GLYATL3: variants seen among roughly 807,000 people sequenced by gnomAD.
GLYATL3 encodes the protein glycine N-acyltransferase-like protein 3.
Under a neutral mutation model 28.5 loss-of-function variants are expected in GLYATL3, and 31 were observed. That is an observed-to-expected ratio of 1.09 (90% CI 0.82 to 1.47). The LOEUF is 1.47. GLYATL3 is among the 40% of genes most tolerant of loss of function. The pLI, the probability that GLYATL3 is intolerant of heterozygous loss-of-function variation, is 0.00. For missense variants in GLYATL3, 369 were observed against 351.5 expected (o/e 1.05, Z -0.40); for synonymous variants, 141 against 140.2 (o/e 1.01, Z -0.04).
chr6:49,506,982 A>T (rs955113877), intron 1 of GLYATL3, among the ~76,000 whole-genome samples: 6 of 152,154 alleles, frequency 3.9e-5, no homozygotes, highest in Admixed American at 3.9e-4. Context: ...AATGAGAAAC[A>T]TGCCATTCAG....
chr6:49,511,213 T>C (rs745425120), intron 1 of GLYATL3, among the ~76,000 whole-genome samples: 6 of 152,206 alleles, frequency 3.9e-5, no homozygotes, highest in Non-Finnish European at 5.9e-5. Flanking sequence ...GAAAAAGTTT[T>C]CTTGGGAACA....
chr6:49,509,219 A>G (rs935857398), intron 1 of GLYATL3, among the ~76,000 whole-genome samples: 15 of 152,310 alleles, frequency 9.8e-5, no homozygotes, highest in South Asian at 2.1e-4. Flanking sequence ...GTTATTTTCA[A>G]TAAAATACCA....
At chr6:49,511,409 T>C (rs543884353) in intron 1 of GLYATL3, among the ~76,000 whole-genome samples, 5 of 152,194 alleles carry the variant, frequency 3.3e-5, no homozygotes, top group Non-Finnish European at 7.3e-5. Context: ...TTTTTCCTCA[T>C]AACGACCCGA....
intron 3 of GLYATL3, among the ~76,000 whole-genome samples, chr6:49,515,989 C>A (rs1440544351): frequency 7.2e-6 from 1 of 139,350 alleles, no homozygotes; most frequent in African/African-American, 2.6e-5. Context: ...GACTAGAGTG[C>A]AGTGGCATGA....
At chr6:49,521,846 T>G (rs1000814490) in intron 5 of GLYATL3, 75 bp downstream of exon 5, 1,028 of 1,288,658 alleles carry the variant, frequency 8.0e-4, no homozygotes, top group Non-Finnish European at 1.0e-3. Flanking sequence ...ACTGGGGTAC[T>G]TAGTATCACT....
intron 1 of GLYATL3, among the ~76,000 whole-genome samples, chr6:49,500,539 T>G (rs1321779230): frequency 6.6e-6 from 1 of 152,234 alleles, no homozygotes; most frequent in Non-Finnish European, 1.5e-5. Context: ...TTCATTGTTA[T>G]GATAAATATT....
At chr6:49,520,685 T>G (rs1192991601) in intron 4 of GLYATL3, among the ~76,000 whole-genome samples, 2 of 151,866 alleles carry the variant, frequency 1.3e-5, no homozygotes, top group Non-Finnish European at 2.9e-5. Flanking sequence ...TTTGGAAAGG[T>G]GGAGAAAGGA....
chr6:49,525,397 C>T lies in GLYATL3; in HGVS notation c.441-1091C>T, dbSNP rs891210359. 2.0e-5 allele frequency among the ~76,000 whole-genome samples: 3 copies of T among 151,440 alleles called. No homozygotes were observed. In the South Asian group the frequency reaches 6.2e-4, roughly 32 times the overall value. On this transcript the variant is annotated intron_variant, in intron 5 of 5. Transcript: ENST00000371197. ...CCTAGCCAAAATGGTGAAACCTTGT[C>T]TCTACTAAAAATACAAAAATTAGCC... is the stretch of plus-strand genomic sequence containing the variant.
chr6:49,507,981 G>C (rs1259379105), intron 1 of GLYATL3, among the ~76,000 whole-genome samples: 1 of 152,156 alleles, frequency 6.6e-6, no homozygotes, highest in African/African-American at 2.4e-5. Flanking sequence ...CAGAAGTACA[G>C]TATACAGAGA....
chr6:49,515,879 CATTT>C lies in GLYATL3; in HGVS notation c.186+120_186+123del, dbSNP rs1769207055. Reference sequence around the variant, plus strand: ...TAGCTTACAACACTGTTTCACCATTCATTTCTTTTCTTTCTTTCTTTCCCTTCTT... The same window carrying C: ...TAGCTTACAACACTGTTTCACCATTCCTTTTCTTTCTTTCTTTCCCTTCTT... On this transcript the variant is annotated intron_variant, in intron 3 of 5. Transcript: ENST00000371197. 5.3e-5 allele frequency: 34 copies of C among 641,696 alleles called. No homozygotes were observed. In the South Asian group the frequency reaches 5.7e-4, roughly 11 times the overall value. The allele number at this position is 641,696 out of a possible 1,614,324, so 39.8% of individuals were successfully genotyped here. A position where few individuals can be genotyped will look rare whatever the true frequency, so the allele number is the denominator to read the frequency against.
chr6:49,501,245 TATAAAAAA>T lies in GLYATL3; in HGVS notation c.-29+1205_-29+1212del, dbSNP rs1768907605. 2.1e-5 allele frequency among the ~76,000 whole-genome samples: 3 copies of T among 140,944 alleles called. No homozygotes were observed. The South Asian group carries it at 6.8e-4, about 32-fold the overall frequency. The allele number at this position is 140,944 out of a possible 152,430, so 92.5% of individuals were successfully genotyped here. A position where few individuals can be genotyped will look rare whatever the true frequency, so the allele number is the denominator to read the frequency against. ...TGAAACCCCCCATCTCTACTAAAAA[TATAAAAAA>T]AACTAGCCAGGCGTTGGTGGTGTGT... On this transcript the variant is annotated intron_variant, in intron 1 of 5. Transcript: ENST00000371197.
chr6:49,510,174 C>G (rs1769096115), intron 1 of GLYATL3, among the ~76,000 whole-genome samples: 1 of 151,986 alleles, frequency 6.6e-6, no homozygotes, highest in South Asian at 2.1e-4. Flanking sequence ...TCCCTAGTAG[C>G]TGGGATTACA....
At chr6:49,505,536 A>T (rs545829651) in intron 1 of GLYATL3, among the ~76,000 whole-genome samples, 24 of 152,230 alleles carry the variant, frequency 1.6e-4, no homozygotes, top group Non-Finnish European at 3.1e-4. Flanking sequence ...ATGATGAATG[A>T]GTAAGTTCTG....
chr6:49,518,058 T>C (rs1372826916), intron 4 of GLYATL3, among the ~76,000 whole-genome samples: 1 of 152,212 alleles, frequency 6.6e-6, no homozygotes, highest in Non-Finnish European at 1.5e-5. Context: ...GGTCTTGCTC[T>C]GCAACCTAGG....
chr6:49,504,804 C>T (rs1402645257), intron 1 of GLYATL3, among the ~76,000 whole-genome samples: 5 of 152,056 alleles, frequency 3.3e-5, no homozygotes, highest in Admixed American at 1.3e-4. Flanking sequence ...TTCCCATAAC[C>T]GCAAAACATG....
At chr6:49,519,170 G>A (rs1769271165) in intron 4 of GLYATL3, among the ~76,000 whole-genome samples, 1 of 152,072 alleles carries the variant, frequency 6.6e-6, no homozygotes, top group Admixed American at 6.5e-5. Context: ...ATAATTGGAT[G>A]GATCTTGGTG....
At position 49,525,109 on chromosome 6, in the gene GLYATL3, T is replaced by TTA. The variant is rs1554165738; in HGVS notation, c.441-1379_441-1378insTA. 1.8e-3 allele frequency among the ~76,000 whole-genome samples: 265 copies of TTA among 151,224 alleles called. 3 individuals are homozygous for TTA. The highest frequency in any genetic ancestry group is 5.9e-3 in the African/African-American group (244 of 41,188). On this transcript the variant is annotated intron_variant, in intron 5 of 5. Coordinates refer to ENST00000371197, the MANE Select transcript of GLYATL3 (RefSeq NM_001010904.2). Reference sequence around the variant, plus strand: ...TTCTAAAACATTTTTTTTTTTTTTTTATTGAGCAAAAGATTAGGGCTTCAA... The same window carrying TTA: ...TTCTAAAACATTTTTTTTTTTTTTTTTAATTGAGCAAAAGATTAGGGCTTCAA...
At chr6:49,512,350 A>T (rs1350193259) in intron 2 of GLYATL3, among the ~76,000 whole-genome samples, 2 of 149,470 alleles carry the variant, frequency 1.3e-5, no homozygotes, top group African/African-American at 4.9e-5. Flanking sequence ...TTGTTACATA[A>T]GTATACATGT....
intron 4 of GLYATL3, among the ~76,000 whole-genome samples, chr6:49,520,852 AAAAACAAAAC>A (rs992060397): frequency 1.3e-5 from 2 of 152,122 alleles, no homozygotes; most frequent in Non-Finnish European, 2.9e-5. Flanking sequence ...CCATCTCTAC[AAAAACAAAAC>A]AAAACAAAAC....
Sources: allele counts gnomAD v4.1 joint callset (sites outside exome capture counted in the v4.1 genomes callset), GRCh38; gene constraint gnomAD v4.1.1; transcripts MANE v1.5; gene names NCBI Gene and HGNC (gene_info 2026-07-23, HGNC 2026-07-21).